Variants in ROBO1 observed in about 807,000 individuals in gnomAD.
ROBO1 encodes roundabout homolog 1.
A neutral mutation model predicts 195.9 loss-of-function variants in ROBO1; 149 were observed. That is an observed-to-expected ratio of 0.76 (90% CI 0.67 to 0.87). The LOEUF is 0.87. ROBO1 is among the 40% of genes least tolerant of loss of function. The pLI, the probability that ROBO1 is intolerant of heterozygous loss-of-function variation, is 0.00. For synonymous variants in ROBO1, 816 were observed against 733.2 expected (o/e 1.11, Z -1.82); for missense variants, 1,933 against 2,068.3 (o/e 0.93, Z 1.27).
At chr3:78,636,935 TTATATATATATATATATA>T (rs55894934) in intron 22 of ROBO1, among the ~76,000 whole-genome samples, 85 of 96,692 alleles carry the variant, frequency 8.8e-4, no homozygotes, top group African/African-American at 2.2e-3. Flanking sequence ...TACATTCATT[TTATATATATATATATATA>T]TATATATATA....
At chr3:79,615,921 G>C (rs1009423452) in intron 1 of ROBO1, among the ~76,000 whole-genome samples, 1 of 152,180 alleles carries the variant, frequency 6.6e-6, no homozygotes, top group Admixed American at 6.5e-5. Flanking sequence ...TCATAAAGAA[G>C]ATCCAAAGTT....
At chr3:79,199,645 T>A (rs77900897) in intron 2 of ROBO1, among the ~76,000 whole-genome samples, 14,151 of 151,734 alleles carry the variant, frequency 0.093, 1,157 homozygotes, top group African/African-American at 0.22. Flanking sequence ...TCTTCCTGGA[T>A]GCCACAGTAG....
At chr3:78,965,979 T>C (rs2076633785) in intron 3 of ROBO1, among the ~76,000 whole-genome samples, 2 of 152,240 alleles carry the variant, frequency 1.3e-5, no homozygotes, top group African/African-American at 2.4e-5. Context: ...CAACTAGCTA[T>C]TGTGTTAGAC....
At chr3:79,407,861 G>C (rs564637285) in intron 2 of ROBO1, among the ~76,000 whole-genome samples, 1 of 152,186 alleles carries the variant, frequency 6.6e-6, no homozygotes, top group South Asian at 2.1e-4. Flanking sequence ...GATGTATAGT[G>C]AAGTTACTGT....
At chr3:78,846,718 T>C (rs1173844857) in intron 4 of ROBO1, among the ~76,000 whole-genome samples, 1 of 152,162 alleles carries the variant, frequency 6.6e-6, no homozygotes. Context: ...CCAAGTGTAG[T>C]TAAATATCAT....
chr3:79,514,018 T>C (rs1940836693), intron 2 of ROBO1, among the ~76,000 whole-genome samples: 1 of 152,206 alleles, frequency 6.6e-6, no homozygotes, highest in Admixed American at 6.5e-5. Flanking sequence ...TGAAAACCTT[T>C]TGTTCTCTAG....
intron 2 of ROBO1, among the ~76,000 whole-genome samples, chr3:79,251,994 C>G (rs1553707423): frequency 4.7e-5 from 7 of 150,532 alleles, no homozygotes; most frequent in Non-Finnish European, 1.0e-4. Context: ...AGATTTTCCT[C>G]AGAGTCTTTA....
chr3:79,456,323 C>T (rs187214056), intron 2 of ROBO1, among the ~76,000 whole-genome samples: 1 of 152,238 alleles, frequency 6.6e-6, no homozygotes, highest in Non-Finnish European at 1.5e-5. Context: ...GTTCACCTAA[C>T]ATCAAGCCTA....
chr3:79,397,231 CTTAATAATCATATATAT>C (rs1453284982), intron 2 of ROBO1, among the ~76,000 whole-genome samples: 1 of 150,344 alleles, frequency 6.7e-6, no homozygotes, highest in African/African-American at 2.4e-5. Context: ...TATATATACA[CTTAATAATCATATATAT>C]TTAATAATCA....
chr3:78,826,929 G>A (rs1485963938), intron 4 of ROBO1, among the ~76,000 whole-genome samples: 5 of 152,008 alleles, frequency 3.3e-5, no homozygotes, highest in Admixed American at 3.3e-4. Context: ...CATCTTTACT[G>A]GACAACAATG....
chr3:78,659,918 C>CTTTT (rs76880412), intron 16 of ROBO1, 111 bp from the exon 17 acceptor site: 44 of 406,110 alleles, frequency 1.1e-4, no homozygotes, highest in African/African-American at 4.1e-4. Flanking sequence ...TCAATATATG[C>CTTTT]TTTTTTTTTT....
chr3:78,874,904 T>G (rs563443320), intron 4 of ROBO1, among the ~76,000 whole-genome samples: 1 of 151,962 alleles, frequency 6.6e-6, no homozygotes, highest in African/African-American at 2.4e-5. Context: ...TAGATTCAAA[T>G]AAATAATCTT....
At chr3:79,702,322 C>T (rs1350717885) in intron 1 of ROBO1, among the ~76,000 whole-genome samples, 2 of 151,762 alleles carry the variant, frequency 1.3e-5, no homozygotes, top group African/African-American at 4.8e-5. Context: ...CTCAGGTGGA[C>T]AATTAGTGAG....
intron 2 of ROBO1, among the ~76,000 whole-genome samples, chr3:79,583,444 A>G (rs1943722169): frequency 6.6e-6 from 1 of 151,944 alleles, no homozygotes; most frequent in Admixed American, 6.6e-5. Flanking sequence ...GAAGGACTAT[A>G]GTACAGCAGA....
At chr3:78,848,098 G>C (rs2033789173) in intron 4 of ROBO1, among the ~76,000 whole-genome samples, 1 of 152,096 alleles carries the variant, frequency 6.6e-6, no homozygotes, top group Non-Finnish European at 1.5e-5. Context: ...GTAACACTGA[G>C]AACACAGGAA....
intron 3 of ROBO1, among the ~76,000 whole-genome samples, chr3:79,120,738 C>T (rs914302869): frequency 6.6e-6 from 1 of 151,920 alleles, no homozygotes; most frequent in African/African-American, 2.4e-5. Flanking sequence ...AAAAATGCAA[C>T]TATTGACTCC....
intron 2 of ROBO1, among the ~76,000 whole-genome samples, chr3:79,170,028 G>A (rs572951614): frequency 1.3e-5 from 2 of 152,208 alleles, no homozygotes; most frequent in East Asian, 1.9e-4. Flanking sequence ...GAGAGAGAGC[G>A]AGAGAGAGAA....
chr3:78,705,406 C>T (rs987417888), intron 8 of ROBO1, among the ~76,000 whole-genome samples: 13 of 152,254 alleles, frequency 8.5e-5, no homozygotes, highest in Middle Eastern at 3.4e-3. Context: ...TATTAGCTGA[C>T]GGATATTTGT....
intron 3 of ROBO1, among the ~76,000 whole-genome samples, chr3:78,975,342 A>T (rs914548790): frequency 1.3e-5 from 2 of 152,148 alleles, no homozygotes; most frequent in African/African-American, 4.8e-5. Context: ...ATATAAGGGG[A>T]GTTTGATCAG....
Sources: gnomAD v4.1 joint callset for allele counts (sites outside exome capture counted in the v4.1 genomes callset) on GRCh38, gnomAD v4.1.1 for gene constraint, MANE v1.5 for transcripts, NCBI Gene and HGNC (gene_info 2026-07-23, HGNC 2026-07-21) for gene names.